The following B4GALNT2 variants were observed in gnomAD, a reference collection of about 807,000 sequenced individuals.
B4GALNT2 encodes the protein N-acetylneuraminylgalactosylglucosyl-glucoside beta-1,4-N- acetylgalactosaminyltransferase 2.
A neutral mutation model predicts 51.1 loss-of-function variants in B4GALNT2; 42 were observed. That is an observed-to-expected ratio of 0.82 (90% CI 0.64 to 1.06). B4GALNT2 has a LOEUF of 1.06. B4GALNT2 is among the 50% of genes least tolerant of loss of function. The pLI, the probability that B4GALNT2 is intolerant of heterozygous loss-of-function variation, is 0.00. For synonymous variants in B4GALNT2, 253 were observed against 251.7 expected, an observed-to-expected ratio of 1.01 and a Z score of -0.05; for missense variants, 602 against 633.6, an observed-to-expected ratio of 0.95 and a Z score of 0.54.
At chr17:49,168,358 C>A (rs1211203699) in intron 9 of B4GALNT2, among the ~76,000 whole-genome samples, 6 of 152,198 alleles carry the variant, frequency 3.9e-5, no homozygotes, top group Admixed American at 3.9e-4. Context: ...CTTACCTGTA[C>A]TGCAGTACTC....
At chr17:49,133,430 T>G (rs748798805) in intron 1 of B4GALNT2, among the ~76,000 whole-genome samples, 2 of 152,168 alleles carry the variant, frequency 1.3e-5, no homozygotes, top group South Asian at 4.1e-4. Flanking sequence ...TAAAGTACAT[T>G]TGAAAGTCTA....
At chr17:49,166,004 G>C (rs1475104165) in intron 8 of B4GALNT2, 110 bp from the exon 9 acceptor site, 2 of 1,270,944 alleles carry the variant, frequency 1.6e-6, no homozygotes, top group Non-Finnish European at 2.2e-6. Context: ...AATTCTAATG[G>C]AATTTGTCTG....
chr17:49,140,277 T>A (rs905365613), intron 1 of B4GALNT2, among the ~76,000 whole-genome samples: 1 of 151,998 alleles, frequency 6.6e-6, no homozygotes, highest in Non-Finnish European at 1.5e-5. Context: ...ATTTTTTGTA[T>A]TTTTAGTAGA....
At chr17:49,127,933 T>G (rs1382596332), upstream of B4GALNT2, among the ~76,000 whole-genome samples, 1 of 152,188 alleles carries the variant, frequency 6.6e-6, no homozygotes, top group Non-Finnish European at 1.5e-5. Context: ...GAAAAGTAAT[T>G]CAGTTGATTG....
intron 1 of B4GALNT2, among the ~76,000 whole-genome samples, chr17:49,137,536 C>A (rs923963898): frequency 2.0e-5 from 3 of 152,136 alleles, no homozygotes; most frequent in Non-Finnish European, 4.4e-5. Flanking sequence ...AACTTCTGTT[C>A]CCTGTAAATT....
At chr17:49,163,152 C>T (rs2144333500) in intron 7 of B4GALNT2, among the ~76,000 whole-genome samples, 1 of 152,266 alleles carries the variant, frequency 6.6e-6, no homozygotes, top group East Asian at 1.9e-4. Context: ...GAATCCCAAA[C>T]ACATCTGCAG....
Position 49,172,049 on chromosome 17 carries a change from A to G in B4GALNT2, c.*2321A>G, listed in dbSNP as rs993057339. On this transcript the variant is annotated 3_prime_UTR_variant, in exon 11 of 11. Coordinates refer to ENST00000393354, the MANE Select transcript of B4GALNT2 (RefSeq NM_001159387.2). ...CCTTGTTGAAGGAATACTCATGGCA[A>G]TGGTGATCACCACTATCATATCTAT... is the stretch of plus-strand genomic sequence containing the variant. 6.2e-4 allele frequency: 171 copies of G among 276,630 alleles called. 1 individual carries two copies. The highest frequency in any genetic ancestry group is 1.1e-3 in the Non-Finnish European group (161 of 148,570). The allele number at this position is 276,630 out of a possible 1,614,324, so 17.1% of individuals were successfully genotyped here.
chr17:49,165,520 C>T (rs2042904042), intron 8 of B4GALNT2, among the ~76,000 whole-genome samples: 1 of 119,218 alleles, frequency 8.4e-6, no homozygotes. Flanking sequence ...CTCTCACTCC[C>T]CACTCTCTCC....
chr17:49,123,896 C>T, the B4GALNT2 span, among the ~76,000 whole-genome samples: 77,580 of 151,936 alleles, frequency 0.51, 20,186 homozygotes, highest in Middle Eastern at 0.62. Flanking sequence ...ACCATTCCAG[C>T]CAAAGCCTTG....
At chr17:49,155,485 C>T (rs2042800587) in intron 4 of B4GALNT2, among the ~76,000 whole-genome samples, 1 of 149,952 alleles carries the variant, frequency 6.7e-6, no homozygotes, top group Non-Finnish European at 1.5e-5. Flanking sequence ...ACCTGTAGTC[C>T]CAGCTACTCG....
intron 4 of B4GALNT2, among the ~76,000 whole-genome samples, chr17:49,155,889 A>G (rs2042805393): frequency 1.3e-5 from 2 of 149,990 alleles, no homozygotes; most frequent in African/African-American, 2.4e-5. Context: ...TGCCCGGCCA[A>G]TTTTTTTTTG....
In B4GALNT2 at chr17:49,169,674, C is replaced by T. The variant is rs375100597; in HGVS notation, c.1467C>T (p.Val489=). 2.2e-5 allele frequency: 36 copies of T among 1,606,650 alleles called. No individual in the cohort carries two copies. The highest frequency in any genetic ancestry group is 3.0e-5 in the Non-Finnish European group (35 of 1,175,072). Residue 489 remains valine (V), a synonymous_variant, in exon 11 of 11, where the codon GTC becomes GTT. Transcript: ENST00000393354. ...NTYRSNTLTR[V]QFKLALHYFK... is the part of the protein sequence containing the mutation. Reference sequence around the variant, plus strand: ...ACCGGTCCAACACCCTCACCCGGGTCCAGTTCAAGCTGGCCCTCCACTACT... The same window carrying T: ...ACCGGTCCAACACCCTCACCCGGGTTCAGTTCAAGCTGGCCCTCCACTACT...
intron 3 of B4GALNT2, among the ~76,000 whole-genome samples, chr17:49,148,055 T>C (rs1407333558): frequency 6.6e-6 from 1 of 151,976 alleles, no homozygotes; most frequent in African/African-American, 2.4e-5. Flanking sequence ...CCAGTAATCC[T>C]AGCACTTTGG....
Position 49,171,704 on chromosome 17 carries a change from G to A in B4GALNT2, c.*1976G>A. ...TGTGGCTGTGGCACACAGACTGAGA[G>A]GTGTAATTTAAGCTAAACATCCCCT... is the stretch of plus-strand genomic sequence containing the variant. On this transcript the variant is annotated 3_prime_UTR_variant, in exon 11 of 11. Transcript: ENST00000393354. 5.1e-6 allele frequency: 2 copies of A among 395,202 alleles called. No homozygotes were observed. Among genetic ancestry groups the A allele is most frequent in the Admixed American group, 3.3e-5 (1 of 30,338 alleles). 24.5% of individuals were successfully genotyped at this position (395,202 alleles called of 1,614,324 possible). A position where few individuals can be genotyped will look rare whatever the true frequency, so the allele number is the denominator to read the frequency against.
At chr17:49,169,032 TC>T in intron 10 of B4GALNT2, 132 bp downstream of exon 10, 2 of 882,274 alleles carry the variant, frequency 2.3e-6, no homozygotes. Context: ...CTTTCCCCTT[TC>T]CCCTTTCTCC....
chr17:49,158,020 G>T (rs2042826673), intron 5 of B4GALNT2, among the ~76,000 whole-genome samples: 1 of 152,146 alleles, frequency 6.6e-6, no homozygotes, highest in South Asian at 2.1e-4. Flanking sequence ...TGGCTGTGGG[G>T]GTAGCAATGG....
rs1483323744 is a variant in B4GALNT2 at position 49,141,452 on chromosome 17, G to A, written c.215+5G>A. On this transcript the variant is annotated splice_donor_5th_base_variant and intron_variant, in intron 2 of 10. Coordinates refer to ENST00000393354, the MANE Select transcript of B4GALNT2 (RefSeq NM_001159387.2). ...CTTTTCCTACGATGGAATCTGGTGA[G>A]AGACTGCGTGTTCTTTCTTTCACCT... The A allele has an allele frequency of 1.9e-6, 3 of 1,613,032 alleles. No individual in the cohort carries two copies. Among genetic ancestry groups the A allele is most frequent in the Non-Finnish European group, 2.5e-6 (3 of 1,179,374 alleles).
chr17:49,134,032 C>T (rs2042567440), intron 1 of B4GALNT2, among the ~76,000 whole-genome samples: 1 of 152,200 alleles, frequency 6.6e-6, no homozygotes, highest in African/African-American at 2.4e-5. Context: ...ACGTCCTTGG[C>T]TAAGGCTTTC....
chr17:49,166,065 C>G (rs775820644), intron 8 of B4GALNT2, 49 bp from the exon 9 acceptor site: 1 of 1,583,866 alleles, frequency 6.3e-7, no homozygotes, highest in Admixed American at 1.7e-5. Flanking sequence ...CCAGGTGATT[C>G]TAATATGTAA....
Sources: allele counts gnomAD v4.1 joint callset (sites outside exome capture counted in the v4.1 genomes callset), GRCh38; gene constraint gnomAD v4.1.1; transcripts MANE v1.5; gene names NCBI Gene and HGNC (gene_info 2026-07-23, HGNC 2026-07-21).